TIGAR: variants seen among roughly 807,000 people sequenced by gnomAD.
TIGAR encodes fructose-2,6-bisphosphatase TIGAR.
A neutral mutation model predicts 17.9 loss-of-function variants in TIGAR; 7 were observed. The ratio of observed to expected loss-of-function variants is 0.39; its 90% confidence interval spans 0.22 to 0.73. The LOEUF is 0.73. TIGAR is among the 30% of genes least tolerant of loss of function. TIGAR has a pLI of 0.42. For synonymous variants in TIGAR, 94 were observed against 108.6 expected, an observed-to-expected ratio of 0.87 and a Z score of 0.84; for missense variants, 258 against 327.4, an observed-to-expected ratio of 0.79 and a Z score of 1.64.
intron 3 of TIGAR, among the ~76,000 whole-genome samples, chr12:4,339,303 G>T (rs1243244080): frequency 6.6e-5 from 10 of 152,120 alleles, no homozygotes; most frequent in Non-Finnish European, 8.8e-5. Flanking sequence ...AAATCTAGAG[G>T]AAATGCACAA....
rs1294272926 is a variant in TIGAR at position 4,358,744 on chromosome 12, T to C, written c.*6053T>C. 6.7e-6 allele frequency among the ~76,000 whole-genome samples: 1 copy of C among 149,532 alleles called. No individual in the cohort carries two copies. The highest frequency in any genetic ancestry group is 2.4e-5 in the African/African-American group (1 of 40,964). ...CTGTGGCTTTTTTTTTTTTTCTGAATCAAGAATCCAATCAATCCAGGACTG... is the reference window on the plus strand; with the variant it reads ...CTGTGGCTTTTTTTTTTTTTCTGAACCAAGAATCCAATCAATCCAGGACTG... On this transcript the variant is annotated 3_prime_UTR_variant, in exon 6 of 6. Coordinates refer to ENST00000179259, the MANE Select transcript of TIGAR (RefSeq NM_020375.3).
chr12:4,342,593 A>G (rs1234021800), intron 3 of TIGAR, among the ~76,000 whole-genome samples: 16 of 152,224 alleles, frequency 1.1e-4, no homozygotes, highest in Non-Finnish European at 2.9e-5. Context: ...AACATTCTCA[A>G]AGAAAAGAAT....
chr12:4,339,173 A>AGGT (rs1219316956), intron 3 of TIGAR, among the ~76,000 whole-genome samples: 2 of 152,120 alleles, frequency 1.3e-5, no homozygotes, highest in Non-Finnish European at 2.9e-5. Context: ...AGATTTAACT[A>AGGT]AGAAGATAAA....
intron 3 of TIGAR, among the ~76,000 whole-genome samples, chr12:4,344,147 G>A (rs974402301): frequency 1.2e-4 from 18 of 152,144 alleles, no homozygotes; most frequent in African/African-American, 4.1e-4. Context: ...TAAATTCCTC[G>A]ACACCTACAC....
chr12:4,350,763 C>T lies in TIGAR; in HGVS notation c.271-504C>T, dbSNP rs530911050. ...CGGCACCCCAGCCTGGGTGACAGAG[C>T]GAGATTCCGTCTCAAAAAAAAAAAA... On this transcript the variant is annotated intron_variant, in intron 4 of 5. Coordinates refer to ENST00000179259, the MANE Select transcript of TIGAR (RefSeq NM_020375.3). Among the ~76,000 whole-genome samples, 382 of 144,240 alleles carry T rather than the reference C, an allele frequency of 2.6e-3. 2 individuals are homozygous for T. Among genetic ancestry groups the T allele is most frequent in the Middle Eastern group, 0.015 (4 of 274 alleles). 94.6% of individuals were successfully genotyped at this position (144,240 alleles called of 152,430 possible).
rs569496702 is a variant in TIGAR, at chr12:4,359,462, A to G, written c.*6771A>G. Among the ~76,000 whole-genome samples the G allele has an allele frequency of 6.6e-6, 1 of 152,160 alleles. No individual in the cohort carries two copies. Among genetic ancestry groups the G allele is most frequent in the Non-Finnish European group, 1.5e-5 (1 of 67,998 alleles). On this transcript the variant is annotated 3_prime_UTR_variant, in exon 6 of 6. Transcript: ENST00000179259. ...TCTAAAGAGCCCTGGTTCTTTGGAA[A>G]TGAAATGAAAGACGCCTGGTGTGCA...
intron 2 of TIGAR, among the ~76,000 whole-genome samples, chr12:4,336,037 G>A (rs575411260): frequency 1.3e-5 from 2 of 152,266 alleles, no homozygotes; most frequent in Non-Finnish European, 2.9e-5. Flanking sequence ...TTCCCTATTT[G>A]CTGATTTCAA....
chr12:4,359,280 T>C lies in TIGAR; in HGVS notation c.*6589T>C, dbSNP rs78075545. Among the ~76,000 whole-genome samples the C allele has an allele frequency of 2.0e-4, 30 of 152,296 alleles. No homozygotes were observed. In the East Asian group the frequency reaches 5.6e-3, roughly 28 times the overall value. ...ATACAGTACTCTTATTATTTTATGG[T>C]TACACAGTCCCAACTTTGTCCTGTG... is the stretch of plus-strand genomic sequence containing the variant. On this transcript the variant is annotated 3_prime_UTR_variant, in exon 6 of 6. Transcript: ENST00000179259.
Position 4,357,973 on chromosome 12 carries a change from C to G in TIGAR, c.*5282C>G, listed in dbSNP as rs139336156. ...GAAAAAATTAGCCAGGCCTGGTGGCCGGCGCCTGTAGTCCCAGCTACTTGG... is the reference window on the plus strand; with the variant it reads ...GAAAAAATTAGCCAGGCCTGGTGGCGGGCGCCTGTAGTCCCAGCTACTTGG... On this transcript the variant is annotated 3_prime_UTR_variant, in exon 6 of 6. Coordinates refer to ENST00000179259, the MANE Select transcript of TIGAR (RefSeq NM_020375.3). Among the ~76,000 whole-genome samples, 16 of 151,732 alleles carry G rather than the reference C, an allele frequency of 1.1e-4. No homozygotes were observed. The highest frequency in any genetic ancestry group is 3.4e-3 in the Middle Eastern group (1 of 294).
chr12:4,357,628 C>G lies in TIGAR; in HGVS notation c.*4937C>G, dbSNP rs1329536771. On this transcript the variant is annotated 3_prime_UTR_variant, in exon 6 of 6. Transcript: ENST00000179259. ...TCGTCATGACAGGTAACTACCAGTGCTTTAAAAACTTTAGGATTTCCCCCC... is the reference window on the plus strand; with the variant it reads ...TCGTCATGACAGGTAACTACCAGTGGTTTAAAAACTTTAGGATTTCCCCCC... Among the ~76,000 whole-genome samples the G allele has an allele frequency of 1.3e-5, 2 of 152,154 alleles. No homozygotes were observed. Among genetic ancestry groups the G allele is most frequent in the Non-Finnish European group, 2.9e-5 (2 of 68,020 alleles).
intron 3 of TIGAR, among the ~76,000 whole-genome samples, chr12:4,339,931 G>T (rs1864701422): frequency 6.6e-6 from 1 of 152,192 alleles, no homozygotes; most frequent in Non-Finnish European, 1.5e-5. Context: ...CACAATAAAA[G>T]CCGTATGCAA....
Position 4,352,273 on chromosome 12 carries a change from GA to G in TIGAR, c.397del (p.Ile133Ter). 6.2e-7 allele frequency: 1 copy of G among 1,611,422 alleles called. No individual in the cohort carries two copies. Among genetic ancestry groups the G allele is most frequent in the South Asian group, 1.1e-5 (1 of 90,914 alleles). ...CTTTTCTTGTAGGTGAAAATGCGTG[GA>G]ATAGACTTTTTTGAATTTCTTTGTC... ...GETLDQVKMR[G>X]IDFFEFLCQL... On this transcript the variant is annotated frameshift_variant, in exon 6 of 6. Transcript: ENST00000179259. LOFTEE classifies it low-confidence loss of function (END_TRUNC).
chr12:4,351,542 T>C (rs762656650), intron 5 of TIGAR, among the ~76,000 whole-genome samples, 165 bp downstream of exon 5: 14 of 152,248 alleles, frequency 9.2e-5, no homozygotes, highest in Non-Finnish European at 2.1e-4. Context: ...TCTTATTTAC[T>C]GTTCAGTTGC....
At chr12:4,349,788 TAAAG>T (rs1864817989) in intron 3 of TIGAR, 27 bp from the exon 4 acceptor site, 1 of 1,507,618 alleles carries the variant, frequency 6.6e-7, no homozygotes, top group Non-Finnish European at 9.0e-7. Context: ...ATTATTTTTA[TAAAG>T]AAAGAAACAA....
intron 2 of TIGAR, among the ~76,000 whole-genome samples, chr12:4,335,256 T>C (rs1281055809): frequency 6.6e-6 from 1 of 151,970 alleles, no homozygotes; most frequent in East Asian, 1.9e-4. Context: ...AGTCTGACTT[T>C]GAACTCCTGA....
intron 1 of TIGAR, among the ~76,000 whole-genome samples, chr12:4,328,073 T>A (rs1458438966): frequency 6.6e-6 from 1 of 152,234 alleles, no homozygotes; most frequent in Admixed American, 6.5e-5. Context: ...TTTTCTAGAT[T>A]AAAAATGACA....
intron 2 of TIGAR, among the ~76,000 whole-genome samples, chr12:4,336,756 G>T (rs4765777): frequency 0.18 from 26,815 of 151,958 alleles, 3,493 homozygotes; most frequent in East Asian, 0.53. Flanking sequence ...AATGAAGAGA[G>T]GGGCAAACAT....
chr12:4,341,847 A>G (rs1864726097), intron 3 of TIGAR, among the ~76,000 whole-genome samples: 1 of 152,238 alleles, frequency 6.6e-6, no homozygotes, highest in South Asian at 2.1e-4. Context: ...CTCCAAAGGA[A>G]CGCAGCTCCT....
chr12:4,324,837 C>T lies in TIGAR; in HGVS notation c.32+3534C>T, dbSNP rs114793124. On this transcript the variant is annotated intron_variant, in intron 1 of 5. Transcript: ENST00000179259. ...CTTGTCGGATCCTCAGAAAAGTTCA[C>T]TTCCATTTTTAGGCAGCTCGTAAAG... 1.2e-3 allele frequency: 643 copies of T among 540,300 alleles called. 6 individuals are homozygous for T. Among genetic ancestry groups the T allele is most frequent in the African/African-American group, 0.011 (575 of 52,908 alleles). 33.5% of individuals were successfully genotyped at this position (540,300 alleles called of 1,614,324 possible). A position where few individuals can be genotyped will look rare whatever the true frequency, so the allele number is the denominator to read the frequency against.
Sources: allele counts gnomAD v4.1 joint callset (sites outside exome capture counted in the v4.1 genomes callset), GRCh38; gene constraint gnomAD v4.1.1; transcripts MANE v1.5; gene names NCBI Gene and HGNC (gene_info 2026-07-23, HGNC 2026-07-21).